The following ERN1 variants were observed in gnomAD, a reference collection of about 807,000 sequenced individuals.
ERN1 encodes serine/threonine-protein kinase/endoribonuclease IRE1.
A neutral mutation model predicts 113.1 loss-of-function variants in ERN1; 39 were observed. The ratio of observed to expected loss-of-function variants is 0.34; its 90% CI spans 0.27 to 0.45. The LOEUF (loss-of-function observed/expected upper bound fraction) is 0.45, where lower values mean the gene tolerates loss of function less well. Ranked by LOEUF, ERN1 falls within the 20% of genes least tolerant of loss-of-function variation. ERN1 has a pLI of 1.00. For missense variants in ERN1, 976 were observed against 1,274.8 expected (o/e 0.77, Z 3.57); for synonymous variants, 507 against 515.9 (o/e 0.98, Z 0.23).
chr17:64,102,575 C>A (rs764690523), intron 1 of ERN1: 2 of 828,898 alleles, frequency 2.4e-6, no homozygotes, highest in Non-Finnish European at 2.9e-6. Context: ...AAAGCATGAA[C>A]ATGCCTGAGT....
intron 6 of ERN1, among the ~76,000 whole-genome samples, chr17:64,069,793 G>A (rs1913352873): frequency 6.6e-6 from 1 of 152,190 alleles, no homozygotes. Context: ...CACACTTGAG[G>A]AGCATCATCT....
At position 64,054,613 on chromosome 17, in the gene ERN1, C is replaced by T. The variant is rs1410215623; in HGVS notation, c.1763+125G>A. ...TCTCAGTGTGCAAGCTCCCTGGAGG[C>T]CGGACTCCATGCGTCTAGGTCACTG... On this transcript the variant is annotated intron_variant, in intron 14 of 21. Transcript: ENST00000433197. This position sits in a 1 kb window ranked among gnomAD's most constrained non-coding sequence, Gnocchi z 4.9. 4.0e-6 allele frequency: 4 copies of T among 991,298 alleles called. No individual in the cohort carries two copies. Among genetic ancestry groups the T allele is most frequent in the Non-Finnish European group, 5.9e-6 (4 of 673,634 alleles). 61.4% of individuals were successfully genotyped at this position (991,298 alleles called of 1,614,324 possible). A position where few individuals can be genotyped will look rare whatever the true frequency, so the allele number is the denominator to read the frequency against.
In ERN1 at chr17:64,049,109, C is replaced by T. The variant is rs1912603331; in HGVS notation, c.2347G>A (p.Ala783Thr). ...HPFGKSLQRQ[A>T]NILLGACSLD... The stretch of plus-strand genomic sequence containing the variant: ...CTGCAGGCACCCAGGAGGATGTTGG[C>T]CTGCCGCTGCAGGGACTTGCCAAAA... Residue 783 changes from alanine to threonine, a missense_variant, in exon 18 of 22, where the codon GCC becomes ACC. Ala to Thr is a moderately conservative substitution (Grantham distance 58). Coordinates refer to ENST00000433197, the MANE Select transcript of ERN1 (RefSeq NM_001433.5). This position sits in a 1 kb window ranked among gnomAD's most constrained non-coding sequence, Gnocchi z 4.7. 6.2e-7 allele frequency: 1 copy of T among 1,610,054 alleles called. No homozygotes were observed. The highest frequency in any genetic ancestry group is 1.7e-5 in the Admixed American group (1 of 59,884).
chr17:64,113,370 T>C (rs555278375), intron 1 of ERN1, among the ~76,000 whole-genome samples: 3 of 152,364 alleles, frequency 2.0e-5, no homozygotes, highest in South Asian at 4.1e-4. Flanking sequence ...TTTGCTATCC[T>C]AGACCATTAC....
At position 64,054,098 on chromosome 17, in the gene ERN1, C is replaced by A; in HGVS notation, c.1953+152G>T. ...GGGGCTACAGGAACACATCGCTAGG[C>A]CTGGCTAATTTTTGGTTTCTTTGTA... On this transcript the variant is annotated intron_variant, in intron 15 of 21. Transcript: ENST00000433197. The surrounding 1 kb of genome is among the most constrained non-coding windows in gnomAD (Gnocchi z 4.9). 4.7e-6 allele frequency: 3 copies of A among 641,800 alleles called. No homozygotes were observed. Among genetic ancestry groups the A allele is most frequent in the South Asian group, 4.1e-5 (2 of 48,976 alleles). 39.8% of individuals were successfully genotyped at this position (641,800 alleles called of 1,614,324 possible).
rs562699185 is a variant in ERN1 at position 64,126,096 on chromosome 17, T to C, written c.54+3880A>G. ...TAGAAAGGAAAAAAAAAACTGCTTC[T>C]GGGAAATATTTCCAACCAGTAGTTT... On this transcript the variant is annotated intron_variant, in intron 1 of 21. Coordinates refer to ENST00000433197, the MANE Select transcript of ERN1 (RefSeq NM_001433.5). Among the ~76,000 whole-genome samples, 7 of 152,264 alleles carry C rather than the reference T, an allele frequency of 4.6e-5. No individual in the cohort carries two copies. The South Asian group carries it at 1.5e-3, about 32-fold the overall frequency.
intron 2 of ERN1, among the ~76,000 whole-genome samples, chr17:64,083,487 T>C (rs919190167): frequency 6.6e-6 from 1 of 152,136 alleles, no homozygotes; most frequent in Non-Finnish European, 1.5e-5. Flanking sequence ...CCACTATCTA[T>C]ATGGGGCCCG....
intron 2 of ERN1, chr17:64,097,857 C>G: frequency 2.5e-6 from 1 of 403,462 alleles, no homozygotes. Context: ...ATAGAAAAGC[C>G]TAGAGCCATT....
chr17:64,047,270 G>A (rs1437973446), intron 19 of ERN1, among the ~76,000 whole-genome samples: 1 of 152,202 alleles, frequency 6.6e-6, no homozygotes, highest in Non-Finnish European at 1.5e-5. Context: ...GCTGAGGCAG[G>A]AGAATCACTT....
chr17:64,098,552 C>G (rs1361706388), intron 1 of ERN1: 1 of 583,972 alleles, frequency 1.7e-6, no homozygotes, highest in Non-Finnish European at 3.3e-6. Context: ...TTCTGACTTC[C>G]TTCTCTTGGG....
At chr17:64,060,634 T>C in intron 10 of ERN1, 47 bp from the exon 11 acceptor site, 2 of 1,410,218 alleles carry the variant, frequency 1.4e-6, no homozygotes, top group Non-Finnish European at 2.0e-6. Context: ...TCCCGAGCTG[T>C]GGTGGCACTC....
Position 64,041,278 on chromosome 17 carries a change from AT to A in ERN1, c.*2709del, listed in dbSNP as rs913718139. ...TTAAATAAGTCATAGTGTCCTTTGG[AT>A]TCCTAACAGATGTGACCAAGCTCCA... On this transcript the variant is annotated 3_prime_UTR_variant, in exon 22 of 22. Transcript: ENST00000433197. 1 of 152,274 alleles carries A rather than the reference AT, an allele frequency of 6.6e-6. No homozygotes were observed. Among genetic ancestry groups the A allele is most frequent in the African/African-American group, 2.4e-5 (1 of 41,472 alleles). The allele number at this position is 152,274 out of a possible 1,614,324, so 9.4% of individuals were successfully genotyped here.
At chr17:64,106,979 A>G (rs1485802943) in intron 1 of ERN1, among the ~76,000 whole-genome samples, 1 of 152,146 alleles carries the variant, frequency 6.6e-6, no homozygotes, top group Non-Finnish European at 1.5e-5. Flanking sequence ...CAGCAATATT[A>G]TCTGTCTCAG....
intron 1 of ERN1, among the ~76,000 whole-genome samples, chr17:64,123,325 C>T (rs906277938): frequency 2.0e-5 from 3 of 152,168 alleles, no homozygotes; most frequent in African/African-American, 7.2e-5. Context: ...TGATCTGAAA[C>T]CACTGCAAAC....
Position 64,049,155 on chromosome 17 carries a change from T to C in ERN1, c.2301A>G (p.Val767=), listed in dbSNP as rs758772642. The stretch of plus-strand genomic sequence containing the variant: ...CAAAAGGGTGGCTGCCCTCAGAGAT[T>C]ACGTAGTAAAAGACGCAGCCTGCAG... The part of the protein sequence containing the change: ...IFSAGCVFYY[V]ISEGSHPFGK... Residue 767 remains valine (V), a synonymous_variant, in exon 18 of 22, where the codon GTA becomes GTG. Coordinates refer to ENST00000433197, the MANE Select transcript of ERN1 (RefSeq NM_001433.5). The surrounding 1 kb of genome is among the most constrained non-coding windows in gnomAD (Gnocchi z 4.7). 2 of 1,608,172 alleles carry C rather than the reference T, an allele frequency of 1.2e-6. No homozygotes were observed. The highest frequency in any genetic ancestry group is 1.7e-5 in the Admixed American group (1 of 59,818).
At chr17:64,129,587 C>G (rs762586859) in intron 1 of ERN1, 364 of 358,530 alleles carry the variant, frequency 1.0e-3, no homozygotes, top group Non-Finnish European at 1.3e-3. Context: ...GCAGCGCCGG[C>G]GCCCGCCCGC....
chr17:64,075,264 A>AG lies in ERN1; in HGVS notation c.283-18_283-17insC. ...AGGAAGTTTCTTTAAAAAAAAAAAA[A>AG]AAGAAAAAAAAAAGTTAACCAAGTC... On this transcript the variant is annotated splice_polypyrimidine_tract_variant and intron_variant, in intron 4 of 21. Transcript: ENST00000433197. 1.3e-6 allele frequency: 2 copies of AG among 1,489,224 alleles called. No homozygotes were observed. Among genetic ancestry groups the AG allele is most frequent in the Non-Finnish European group, 1.8e-6 (2 of 1,126,788 alleles). 92.3% of individuals were successfully genotyped at this position (1,489,224 alleles called of 1,614,324 possible).
Position 64,071,269 on chromosome 17 carries a change from A to T in ERN1, c.478+712T>A, listed in dbSNP as rs73992914. On this transcript the variant is annotated intron_variant, in intron 6 of 21. Coordinates refer to ENST00000433197, the MANE Select transcript of ERN1 (RefSeq NM_001433.5). ...GGCTGCAGAAGAGGCTTCACAGAGA[A>T]GGTGACTTTTGAGTACAGTTGTGAG... Among the ~76,000 whole-genome samples the T allele has an allele frequency of 2.5e-3, 377 of 152,312 alleles. 4 individuals are homozygous for T. The highest frequency in any genetic ancestry group is 8.2e-3 in the African/African-American group (340 of 41,548).
chr17:64,098,328 A>T (rs1914287462), intron 1 of ERN1, 87 bp from the exon 2 acceptor site: 1 of 1,502,458 alleles, frequency 6.7e-7, no homozygotes, highest in Non-Finnish European at 9.2e-7. Flanking sequence ...TCCCAAGGTT[A>T]TCCTACTAAA....
Sources: gnomAD v4.1 joint callset for allele counts (sites outside exome capture counted in the v4.1 genomes callset) on GRCh38, gnomAD v4.1.1 for gene constraint, Gnocchi (gnomAD v3.1) non-coding constraint, MANE v1.5 for transcripts, NCBI Gene and HGNC (gene_info 2026-07-23, HGNC 2026-07-21) for gene names.